Variants in XPO4 observed in about 807,000 individuals in gnomAD.
The protein encoded by XPO4 is exportin-4.
Under a neutral mutation model 143.0 loss-of-function variants are expected in XPO4, and 39 were observed. That is an observed-to-expected ratio of 0.27 (90% confidence interval 0.21 to 0.36). The LOEUF is 0.36. Ranked by LOEUF, XPO4 falls within the 10% of genes least tolerant of loss-of-function variation. The pLI, the probability that XPO4 is intolerant of heterozygous loss-of-function variation, is 1.00. For missense variants in XPO4, 907 were observed against 1,348.0 expected (o/e 0.67, Z 5.12); for synonymous variants, 439 against 474.0 (o/e 0.93, Z 0.96).
At chr13:20,848,602 T>C in intron 4 of XPO4, 1 of 985,336 alleles carries the variant, frequency 1.0e-6, no homozygotes, top group Non-Finnish European at 1.2e-6. Flanking sequence ...ATCTACATTC[T>C]GCAAAATTAA....
intron 1 of XPO4, among the ~76,000 whole-genome samples, chr13:20,884,949 G>T (rs1439075673): frequency 6.6e-6 from 1 of 151,834 alleles, no homozygotes; most frequent in Non-Finnish European, 1.5e-5. Flanking sequence ...AGGTTTTTTT[G>T]GTTTGTTTTT....
At chr13:20,855,345 C>G (rs2060132465) in intron 4 of XPO4, among the ~76,000 whole-genome samples, 1 of 151,600 alleles carries the variant, frequency 6.6e-6, no homozygotes, top group Admixed American at 6.6e-5. Flanking sequence ...ATCCCAGCTA[C>G]TTGGGAGGCT....
rs1595154829 is a variant in XPO4 at position 20,877,112 on chromosome 13, C to G, written c.70-8411G>C. Among the ~76,000 whole-genome samples the G allele has an allele frequency of 1.3e-5, 2 of 152,202 alleles. 1 individual carries two copies. Among genetic ancestry groups the G allele is most frequent in the South Asian group, 4.1e-4 (2 of 4,834 alleles). ...CAGAAAAGATCCCCAAGTGCCCCCACTCGACCCAGGAAGTCCAGCTGGCTT... is the reference window on the plus strand; with the variant it reads ...CAGAAAAGATCCCCAAGTGCCCCCAGTCGACCCAGGAAGTCCAGCTGGCTT... On this transcript the variant is annotated intron_variant, in intron 1 of 22. Coordinates refer to ENST00000255305, the MANE Select transcript of XPO4 (RefSeq NM_022459.5).
rs185408108 is a variant in XPO4 at position 20,789,243 on chromosome 13, G to T, written c.2917-627C>A. Reference sequence around the variant, plus strand: ...TTCCTCATCCTGCTGGCTGGCTGCTGTGTGAATGCCATGGGTCATCAACAT... The same window carrying T: ...TTCCTCATCCTGCTGGCTGGCTGCTTTGTGAATGCCATGGGTCATCAACAT... On this transcript the variant is annotated intron_variant, in intron 19 of 22. Transcript: ENST00000255305. 2.0e-5 allele frequency among the ~76,000 whole-genome samples: 3 copies of T among 152,286 alleles called. No individual in the cohort carries two copies. In the East Asian group the frequency reaches 5.8e-4, roughly 29 times the overall value.
intron 1 of XPO4, among the ~76,000 whole-genome samples, chr13:20,891,788 G>A (rs949047929): frequency 4.0e-5 from 6 of 151,648 alleles, no homozygotes; most frequent in African/African-American, 1.5e-4. Context: ...GCTTGAACCC[G>A]GGAGGTGAAG....
chr13:20,779,281 G>C lies in XPO4; in HGVS notation c.*4441C>G, dbSNP rs1054102824. On this transcript the variant is annotated 3_prime_UTR_variant, in exon 23 of 23. Transcript: ENST00000255305. Reference sequence around the variant, plus strand: ...TAATCAAATCACAATACCAACATTTGCAATTTGTAATAATTTTATGTGGTA... The same window carrying C: ...TAATCAAATCACAATACCAACATTTCCAATTTGTAATAATTTTATGTGGTA... 1.3e-5 allele frequency: 2 copies of C among 152,558 alleles called. No homozygotes were observed. The highest frequency in any genetic ancestry group is 2.9e-5 in the Non-Finnish European group (2 of 68,032). The allele number at this position is 152,558 out of a possible 1,614,324, so 9.5% of individuals were successfully genotyped here. A position where few individuals can be genotyped will look rare whatever the true frequency, so the allele number is the denominator to read the frequency against.
Position 20,878,499 on chromosome 13 carries a change from A to G in XPO4, c.70-9798T>C, listed in dbSNP as rs1173280733. Reference sequence around the variant, plus strand: ...CATACATTGGTTTATAAAGCCAGTAAAAATTGAACTACAGCTATATTTACC... The same window carrying G: ...CATACATTGGTTTATAAAGCCAGTAGAAATTGAACTACAGCTATATTTACC... On this transcript the variant is annotated intron_variant, in intron 1 of 22. Transcript: ENST00000255305. Among the ~76,000 whole-genome samples, 4 of 152,262 alleles carry G rather than the reference A, an allele frequency of 2.6e-5. No individual in the cohort carries two copies. In the East Asian group the frequency reaches 7.7e-4, roughly 29 times the overall value.
intron 7 of XPO4, among the ~76,000 whole-genome samples, chr13:20,823,569 G>GGT (rs1555335786): frequency 1.8e-3 from 265 of 144,160 alleles, no homozygotes; most frequent in African/African-American, 6.0e-3. Context: ...GAATGGTTGT[G>GGT]TTTTTTTCTT....
intron 4 of XPO4, chr13:20,850,633 C>T (rs1031896228): frequency 1.3e-4 from 34 of 261,470 alleles, no homozygotes; most frequent in Non-Finnish European, 1.8e-4. Flanking sequence ...GGTACAGTGG[C>T]ACGTACCAAC....
rs2060103061 is a variant in XPO4 at position 20,852,824 on chromosome 13, G to C, written c.456+2803C>G. 7 of 984,434 alleles carry C rather than the reference G, an allele frequency of 7.1e-6. No individual in the cohort carries two copies. The South Asian group carries it at 3.3e-4, about 46-fold the overall frequency. 61.0% of individuals were successfully genotyped at this position (984,434 alleles called of 1,614,324 possible). ...TTTTATGTAGATATCCATTATTCTTGCTATAATGCTATTTGTGTAACAGAA... is the reference window on the plus strand; with the variant it reads ...TTTTATGTAGATATCCATTATTCTTCCTATAATGCTATTTGTGTAACAGAA... On this transcript the variant is annotated intron_variant, in intron 4 of 22. Transcript: ENST00000255305.
intron 18 of XPO4, among the ~76,000 whole-genome samples, chr13:20,793,622 C>T (rs565268381): frequency 2.4e-4 from 36 of 152,134 alleles, no homozygotes; most frequent in African/African-American, 7.5e-4. Context: ...AGCACAATCT[C>T]GGCTCACTGC....
intron 13 of XPO4, among the ~76,000 whole-genome samples, chr13:20,805,047 C>T (rs957946353): frequency 4.6e-5 from 7 of 151,836 alleles, no homozygotes; most frequent in African/African-American, 1.5e-4. Context: ...GAGGTTCAAG[C>T]GATTATCATG....
chr13:20,893,841 T>TTTTTG (rs1239158294), intron 1 of XPO4, among the ~76,000 whole-genome samples: 6 of 151,946 alleles, frequency 3.9e-5, no homozygotes, highest in Non-Finnish European at 7.4e-5. Flanking sequence ...AAACTGCAGT[T>TTTTTG]TTTTGTTTTG....
At position 20,782,669 on chromosome 13, in the gene XPO4, G is replaced by A. The variant is rs1044574598; in HGVS notation, c.*1053C>T. ...ACACACTCAAAAAGTTAGACTAGACGGAAACAAGCCTTTCATTTCACTGAT... is the reference window on the plus strand; with the variant it reads ...ACACACTCAAAAAGTTAGACTAGACAGAAACAAGCCTTTCATTTCACTGAT... On this transcript the variant is annotated 3_prime_UTR_variant, in exon 23 of 23. Coordinates refer to ENST00000255305, the MANE Select transcript of XPO4 (RefSeq NM_022459.5). The A allele has an allele frequency of 3.9e-5, 6 of 152,484 alleles. No individual in the cohort carries two copies. Among genetic ancestry groups the A allele is most frequent in the South Asian group, 2.1e-4 (1 of 4,826 alleles). 9.4% of individuals were successfully genotyped at this position (152,484 alleles called of 1,614,324 possible).
chr13:20,846,967 T>C lies in XPO4; in HGVS notation c.457-3081A>G, dbSNP rs556005578. On this transcript the variant is annotated intron_variant, in intron 4 of 22. Transcript: ENST00000255305. ...GTTAGAGGTATTGCAAGAAATCAAA[T>C]ATTCTGGCTTTAACTGTACCTACGA... Among the ~76,000 whole-genome samples the C allele has an allele frequency of 2.0e-5, 3 of 152,294 alleles. No individual in the cohort carries two copies. In the East Asian group the frequency reaches 5.8e-4, roughly 29 times the overall value.
intron 6 of XPO4, among the ~76,000 whole-genome samples, chr13:20,832,631 T>C (rs1244858005): frequency 1.3e-5 from 2 of 152,220 alleles, no homozygotes; most frequent in Non-Finnish European, 2.9e-5. Context: ...AGCAAGACCA[T>C]TTTCTTTCTT....
chr13:20,807,374 T>G (rs2059521530), intron 13 of XPO4, 83 bp downstream of exon 13: 2 of 1,348,724 alleles, frequency 1.5e-6, no homozygotes, highest in African/African-American at 3.0e-5. Context: ...AACGTGCCTA[T>G]CACTCCAGTC....
chr13:20,809,665 C>T, intron 10 of XPO4, 126 bp downstream of exon 10: 1 of 1,106,012 alleles, frequency 9.0e-7, no homozygotes, highest in Non-Finnish European at 1.2e-6. Flanking sequence ...AACAAGGCCA[C>T]TTTTGCTCCC....
chr13:20,848,146 T>C lies in XPO4; in HGVS notation c.457-4260A>G, dbSNP rs559784244. 6.5e-4 allele frequency: 461 copies of C among 714,634 alleles called. 1 individual carries two copies. Among genetic ancestry groups the C allele is most frequent in the Non-Finnish European group, 7.5e-4 (439 of 582,736 alleles). 44.3% of individuals were successfully genotyped at this position (714,634 alleles called of 1,614,324 possible). A position where few individuals can be genotyped will look rare whatever the true frequency, so the allele number is the denominator to read the frequency against. On this transcript the variant is annotated intron_variant, in intron 4 of 22. Coordinates refer to ENST00000255305, the MANE Select transcript of XPO4 (RefSeq NM_022459.5). ...TCTATCATTCACTGCTGCTGGCAAT[T>C]TGACTGCCACTAACAGGTAGTTCTA...
Sources: gnomAD v4.1 joint callset for allele counts (sites outside exome capture counted in the v4.1 genomes callset) on GRCh38, gnomAD v4.1.1 for gene constraint, MANE v1.5 for transcripts, NCBI Gene and HGNC (gene_info 2026-07-23, HGNC 2026-07-21) for gene names.